Variants in FGF12 observed in about 807,000 individuals in gnomAD.
The protein encoded by FGF12 is fibroblast growth factor 12B.
FGF12 carries 14 observed loss-of-function variants against 23.6 expected under a neutral mutation model. The observed-to-expected ratio is 0.59, with a 90% CI of 0.39 to 0.93. The LOEUF (loss-of-function observed/expected upper bound fraction) is 0.93, where lower values mean the gene tolerates loss of function less well. Among genes scored for constraint, FGF12 ranks in the 40% least tolerant of loss-of-function variants. FGF12 has a pLI of 0.00. For missense variants in FGF12, 175 were observed against 217.8 expected, an observed-to-expected ratio of 0.80 and a Z score of 1.24; for synonymous variants, 62 against 77.3, an observed-to-expected ratio of 0.80 and a Z score of 1.04.
chr3:192,148,904 C>T (rs909263848), intron 5 of FGF12, among the ~76,000 whole-genome samples: 9 of 152,024 alleles, frequency 5.9e-5, no homozygotes, highest in Admixed American at 3.9e-4. Context: ...CCACTGAGCA[C>T]GTACAATGTA....
At chr3:192,306,779 G>C (rs1206160151) in intron 4 of FGF12, among the ~76,000 whole-genome samples, 1 of 152,110 alleles carries the variant, frequency 6.6e-6, no homozygotes, top group East Asian at 1.9e-4. Flanking sequence ...TTCAGGAGAG[G>C]CAGTATAAAT....
intron 3 of FGF12, among the ~76,000 whole-genome samples, chr3:192,345,038 T>G (rs1326173830): frequency 1.3e-5 from 2 of 152,308 alleles, no homozygotes; most frequent in East Asian, 3.9e-4. Flanking sequence ...TCTTTGCATG[T>G]TTTGAAGCTT....
intron 2 of FGF12, among the ~76,000 whole-genome samples, chr3:192,466,575 G>A (rs2108811019): frequency 6.6e-6 from 1 of 152,256 alleles, no homozygotes; most frequent in Non-Finnish European, 1.5e-5. Flanking sequence ...AAATTTCTTT[G>A]TCTCATCTCA....
intron 2 of FGF12, among the ~76,000 whole-genome samples, chr3:192,548,053 T>C (rs1725539603): frequency 6.6e-6 from 1 of 152,188 alleles, no homozygotes. Context: ...AAAATGCCTT[T>C]CTTAGCATAC....
intron 2 of FGF12, among the ~76,000 whole-genome samples, chr3:192,716,604 A>C (rs1718874331): frequency 6.6e-6 from 1 of 152,212 alleles, no homozygotes; most frequent in Non-Finnish European, 1.5e-5. Context: ...TAGGGATTTT[A>C]AGGAAAGAAT....
chr3:192,258,527 A>T (rs888404362), intron 4 of FGF12, among the ~76,000 whole-genome samples: 2 of 152,170 alleles, frequency 1.3e-5, no homozygotes, highest in African/African-American at 4.8e-5. Context: ...TTATAATAAA[A>T]ACGTATTTAA....
chr3:192,463,498 A>T (rs914504871), intron 2 of FGF12, among the ~76,000 whole-genome samples: 2 of 152,182 alleles, frequency 1.3e-5, no homozygotes, highest in African/African-American at 4.8e-5. Context: ...TGTTTCCATC[A>T]ACTGGTTATG....
chr3:192,176,978 T>C, intron 4 of FGF12, among the ~76,000 whole-genome samples: 1 of 152,254 alleles, frequency 6.6e-6, no homozygotes, highest in South Asian at 2.1e-4. Flanking sequence ...ATAATGTTTG[T>C]AAAACTGTGT....
chr3:192,368,114 A>T (rs1444052966), intron 2 of FGF12, among the ~76,000 whole-genome samples: 1 of 152,172 alleles, frequency 6.6e-6, no homozygotes, highest in Non-Finnish European at 1.5e-5. Context: ...CCTTCCAAAA[A>T]AAAACAGAGC....
chr3:192,656,280 GACACACACACACACACAC>G (rs61645270), intron 2 of FGF12, among the ~76,000 whole-genome samples: 4 of 110,412 alleles, frequency 3.6e-5, no homozygotes, highest in Admixed American at 2.7e-4. Context: ...AAGGTGAAAA[GACACACACACACACACAC>G]ACACACACAC....
rs74791289 is a variant in FGF12 at position 192,681,631 on chromosome 3, T to C, written c.13+45550A>G. On this transcript the variant is annotated intron_variant, in intron 2 of 5. Coordinates refer to ENST00000445105, the MANE Select transcript of FGF12 (RefSeq NM_004113.6). ...AAGAAAGAGCATGAAAGAGAAAAAG[T>C]CAGTTAACTGGAAGTCATTTTTTAA... Among the ~76,000 whole-genome samples the C allele has an allele frequency of 3.2e-3, 487 of 152,330 alleles. 4 individuals are homozygous for C. Among genetic ancestry groups the C allele is most frequent in the African/African-American group, 0.011 (456 of 41,576 alleles).
chr3:192,588,376 G>GA (rs1161367555), intron 2 of FGF12, among the ~76,000 whole-genome samples: 30 of 127,036 alleles, frequency 2.4e-4, no homozygotes, highest in African/African-American at 5.9e-4. Context: ...AAGAAAAAAA[G>GA]AAAAAAAAAA....
chr3:192,226,517 A>G (rs1718745002), intron 4 of FGF12, among the ~76,000 whole-genome samples: 3 of 152,168 alleles, frequency 2.0e-5, no homozygotes, highest in African/African-American at 7.2e-5. Context: ...ATGCACACAC[A>G]AAACCCACAT....
chr3:192,384,550 GT>G (rs2108755950), intron 2 of FGF12, among the ~76,000 whole-genome samples: 1 of 152,272 alleles, frequency 6.6e-6, no homozygotes, highest in Non-Finnish European at 1.5e-5. Flanking sequence ...ATGCAAAAGT[GT>G]TGAGGAGCTC....
chr3:192,522,137 G>C (rs1318695556), intron 2 of FGF12, among the ~76,000 whole-genome samples: 1 of 149,808 alleles, frequency 6.7e-6, no homozygotes, highest in East Asian at 2.0e-4. Flanking sequence ...GGCGGAGCTT[G>C]CAATGAGCCG....
intron 2 of FGF12, among the ~76,000 whole-genome samples, chr3:192,548,706 C>G (rs1013170479): frequency 8.5e-5 from 13 of 152,074 alleles, no homozygotes; most frequent in African/African-American, 2.9e-4. Flanking sequence ...TGTTTCAGAG[C>G]AGATAGACTC....
chr3:192,479,618 G>A (rs1053544594), intron 2 of FGF12, among the ~76,000 whole-genome samples: 1 of 152,078 alleles, frequency 6.6e-6, no homozygotes, highest in Non-Finnish European at 1.5e-5. Context: ...TAAGGTGGGG[G>A]AGAAAAATAG....
At chr3:192,706,119 A>G (rs1718460373) in intron 2 of FGF12, among the ~76,000 whole-genome samples, 1 of 152,194 alleles carries the variant, frequency 6.6e-6, no homozygotes, top group Non-Finnish European at 1.5e-5. Flanking sequence ...AGGAGACTTC[A>G]TTAGTTCCTT....
At chr3:192,541,789 T>C (rs1725371860) in intron 2 of FGF12, among the ~76,000 whole-genome samples, 1 of 152,176 alleles carries the variant, frequency 6.6e-6, no homozygotes, top group Non-Finnish European at 1.5e-5. Flanking sequence ...AGAATTTCAC[T>C]GGATCTACTA....
Sources: gnomAD v4.1 joint callset for allele counts (sites outside exome capture counted in the v4.1 genomes callset) on GRCh38, gnomAD v4.1.1 for gene constraint, MANE v1.5 for transcripts, NCBI Gene and HGNC (gene_info 2026-07-23, HGNC 2026-07-21) for gene names.